The following SYNE2 variants were observed in gnomAD, a reference collection of about 807,000 sequenced individuals.
SYNE2 encodes spectrin repeat containing nuclear envelope protein 2, also known as nesprin-2.
Under a neutral mutation model 856.3 loss-of-function variants are expected in SYNE2, and 431 were observed. The observed-to-expected ratio is 0.50, with a 90% CI of 0.47 to 0.55. The LOEUF is 0.55. Among genes scored for constraint, SYNE2 ranks in the 20% least tolerant of loss-of-function variants. SYNE2 has a pLI of 0.00. For missense variants in SYNE2, 8,129 were observed against 8,023.2 expected, an observed-to-expected ratio of 1.01 and a Z score of -0.50; for synonymous variants, 2,923 against 2,872.3, an observed-to-expected ratio of 1.02 and a Z score of -0.56.
At chr14:64,077,494 G>A (rs528606471) in intron 54 of SYNE2, among the ~76,000 whole-genome samples, 70 of 152,122 alleles carry the variant, frequency 4.6e-4, no homozygotes, top group African/African-American at 1.6e-3. Context: ...CTCAATCTAG[G>A]GACTTGGGCG....
chr14:64,115,296 C>T (rs944872571), intron 66 of SYNE2, among the ~76,000 whole-genome samples: 11 of 152,206 alleles, frequency 7.2e-5, no homozygotes, highest in Non-Finnish European at 1.0e-4. Flanking sequence ...AGATTATGAT[C>T]GTGAGAGACA....
intron 1 of SYNE2, among the ~76,000 whole-genome samples, chr14:63,854,254 C>G (rs1296083270): frequency 6.6e-6 from 1 of 151,036 alleles, no homozygotes; most frequent in Non-Finnish European, 1.5e-5. Flanking sequence ...TACTATTTGG[C>G]TATGCTAGGA....
At chr14:64,004,931 A>C (rs1308447243) in intron 30 of SYNE2, among the ~76,000 whole-genome samples, 4 of 152,234 alleles carry the variant, frequency 2.6e-5, no homozygotes, top group Non-Finnish European at 5.9e-5. Flanking sequence ...GGGGATTGCT[A>C]TTGAACAGGG....
At position 64,192,218 on chromosome 14, in the gene SYNE2, G is replaced by A. The variant is rs371634064; in HGVS notation, c.18038+1981G>A. ...TTTGTTGAAATGAGTAAATGTTTCA[G>A]TGCATTCGTTAAGAATAAGATAATT... On this transcript the variant is annotated intron_variant, in intron 99 of 115. Coordinates refer to ENST00000555002, the MANE Select transcript of SYNE2 (RefSeq NM_182914.3). Among the ~76,000 whole-genome samples, 11 of 152,252 alleles carry A rather than the reference G, an allele frequency of 7.2e-5. No homozygotes were observed. In the East Asian group the frequency reaches 7.7e-4, roughly 11 times the overall value.
At chr14:63,805,124 T>C (rs1446095572) in intron 1 of SYNE2, among the ~76,000 whole-genome samples, 1 of 152,206 alleles carries the variant, frequency 6.6e-6, no homozygotes, top group Non-Finnish European at 1.5e-5. Flanking sequence ...ACCGATACCG[T>C]ACTAGCCTTG....
At chr14:64,188,089 C>T (rs539491728) in intron 97 of SYNE2, among the ~76,000 whole-genome samples, 5 of 152,108 alleles carry the variant, frequency 3.3e-5, no homozygotes, top group African/African-American at 1.2e-4. Context: ...GACATTTAAA[C>T]GGCTGTAGTT....
At chr14:63,855,990 G>A (rs1169425140) in intron 1 of SYNE2, among the ~76,000 whole-genome samples, 1 of 152,138 alleles carries the variant, frequency 6.6e-6, no homozygotes, top group East Asian at 1.9e-4. Context: ...ATGAGAAGGA[G>A]CTAGCCATGT....
chr14:63,912,602 C>G (rs1007505478), intron 2 of SYNE2, among the ~76,000 whole-genome samples: 1 of 152,098 alleles, frequency 6.6e-6, no homozygotes, highest in Non-Finnish European at 1.5e-5. Flanking sequence ...CAGATAGAGA[C>G]AGTAGAATGG....
chr14:64,212,519 G>C (rs1453934750), intron 104 of SYNE2, among the ~76,000 whole-genome samples: 2 of 152,174 alleles, frequency 1.3e-5, no homozygotes, highest in Non-Finnish European at 2.9e-5. Flanking sequence ...AACAAGTTTT[G>C]CCATGGCAAG....
At chr14:63,832,866 CAAAAAAA>C (rs36099684) in intron 1 of SYNE2, among the ~76,000 whole-genome samples, 10 of 64,744 alleles carry the variant, frequency 1.5e-4, no homozygotes, top group South Asian at 6.7e-4. Context: ...CTGTCTCTAC[CAAAAAAA>C]AAAAAAAAAA....
chr14:63,873,955 A>G (rs1347981246), intron 1 of SYNE2: 1 of 152,302 alleles, frequency 6.6e-6, no homozygotes, highest in Non-Finnish European at 1.5e-5. Context: ...ACAGAGGTAC[A>G]TAGGAGGCTA....
chr14:64,030,193 C>A (rs2097021702), intron 44 of SYNE2, 134 bp downstream of exon 44: 10 of 885,048 alleles, frequency 1.1e-5, no homozygotes, highest in Middle Eastern at 3.2e-4. Flanking sequence ...AAGCTCTGAC[C>A]AGTCATAATA....
intron 108 of SYNE2, among the ~76,000 whole-genome samples, chr14:64,217,161 G>GC (rs2098670476): frequency 6.6e-6 from 1 of 152,218 alleles, no homozygotes; most frequent in Admixed American, 6.5e-5. Flanking sequence ...ACTTCGCCTT[G>GC]CTTCTGTAAG....
At chr14:64,192,599 T>C (rs970291238) in intron 99 of SYNE2, among the ~76,000 whole-genome samples, 1 of 152,240 alleles carries the variant, frequency 6.6e-6, no homozygotes, top group Admixed American at 6.5e-5. Context: ...GCCAGCTGCC[T>C]ATATTCTTAA....
chr14:64,114,549 C>A (rs1297986748), intron 66 of SYNE2, among the ~76,000 whole-genome samples: 1 of 152,068 alleles, frequency 6.6e-6, no homozygotes, highest in African/African-American at 2.4e-5. Flanking sequence ...ATAGTCTTAA[C>A]AACATCCAGG....
At chr14:63,947,326 G>C (rs1045545464) in intron 6 of SYNE2, among the ~76,000 whole-genome samples, 3 of 152,140 alleles carry the variant, frequency 2.0e-5, no homozygotes, top group Non-Finnish European at 4.4e-5. Flanking sequence ...GGCTAGTATG[G>C]CAGAGGAAAT....
At chr14:64,207,818 GT>G in intron 100 of SYNE2, 1 of 360,818 alleles carries the variant, frequency 2.8e-6, no homozygotes, top group Non-Finnish European at 5.4e-6. Flanking sequence ...TTAACTTAGT[GT>G]TTGCTTTCTC....
chr14:64,151,420 TAAAAAAAAAAAAA>T (rs540541655), intron 84 of SYNE2, among the ~76,000 whole-genome samples: 10 of 19,324 alleles, frequency 5.2e-4, no homozygotes, highest in African/African-American at 1.4e-3. Flanking sequence ...ACAAAGGATT[TAAAAAAAAAAAAA>T]AAAAAAAAAA....
intron 1 of SYNE2, among the ~76,000 whole-genome samples, chr14:63,801,368 A>G (rs1296944728): frequency 2.6e-5 from 4 of 152,178 alleles, no homozygotes; most frequent in Admixed American, 1.3e-4. Flanking sequence ...TTACGGAGAA[A>G]TAAAATTTAA....
Sources: gnomAD v4.1 joint callset for allele counts (sites outside exome capture counted in the v4.1 genomes callset) on GRCh38, gnomAD v4.1.1 for gene constraint, MANE v1.5 for transcripts, NCBI Gene and HGNC (gene_info 2026-07-23, HGNC 2026-07-21) for gene names.